MDGA1: variants seen among roughly 807,000 people sequenced by gnomAD.
MDGA1 encodes the protein MAM domain containing glycosylphosphatidylinositol anchor 1.
Under a neutral mutation model 101.5 loss-of-function variants are expected in MDGA1, and 54 were observed. The ratio of observed to expected loss-of-function variants is 0.53; its 90% CI spans 0.43 to 0.67. The LOEUF (loss-of-function observed/expected upper bound fraction) is 0.67, where lower values mean the gene tolerates loss of function less well. Ranked by LOEUF, MDGA1 falls within the 30% of genes least tolerant of loss-of-function variation. The pLI is 0.00. For missense variants in MDGA1, 1,083 were observed against 1,323.8 expected, an observed-to-expected ratio of 0.82 and a Z score of 2.82; for synonymous variants, 533 against 558.3, an observed-to-expected ratio of 0.95 and a Z score of 0.64.
intron 1 of MDGA1, among the ~76,000 whole-genome samples, chr6:37,678,807 C>G (rs915393326): frequency 3.9e-5 from 6 of 151,944 alleles, no homozygotes; most frequent in Non-Finnish European, 8.8e-5. Context: ...CCGCCCCCAC[C>G]TCCATCACGC....
intron 1 of MDGA1, among the ~76,000 whole-genome samples, chr6:37,673,215 G>A (rs921703103): frequency 6.6e-6 from 1 of 152,092 alleles, no homozygotes; most frequent in South Asian, 2.1e-4. Context: ...GCCTAGCCCA[G>A]TGCAGGGCTC....
chr6:37,669,081 C>T (rs925042598), intron 1 of MDGA1, among the ~76,000 whole-genome samples: 3 of 152,096 alleles, frequency 2.0e-5, no homozygotes, highest in Non-Finnish European at 2.9e-5. Context: ...CTCCTGACCT[C>T]GTGATCCACC....
chr6:37,689,902 C>T (rs1285298670), intron 1 of MDGA1, among the ~76,000 whole-genome samples: 4 of 152,222 alleles, frequency 2.6e-5, no homozygotes, highest in Non-Finnish European at 5.9e-5. Context: ...ACCATCTATT[C>T]TCTACATGAC....
chr6:37,650,054 G>A, intron 8 of MDGA1, 55 bp downstream of exon 8: 17 of 1,605,882 alleles, frequency 1.1e-5, no homozygotes, highest in Non-Finnish European at 1.4e-5. Context: ...GGACAGGCCG[G>A]CTGGGAGCCA....
intron 13 of MDGA1, among the ~76,000 whole-genome samples, chr6:37,644,219 T>C (rs942867505): frequency 2.0e-5 from 3 of 152,064 alleles, no homozygotes; most frequent in South Asian, 4.1e-4. Flanking sequence ...TCATGAGTCC[T>C]TGGCTCTACT....
chr6:37,690,898 C>T (rs1039876599), intron 1 of MDGA1, among the ~76,000 whole-genome samples: 1 of 152,138 alleles, frequency 6.6e-6, no homozygotes, highest in African/African-American at 2.4e-5. Context: ...AGCTTCCAGG[C>T]CTTTGCCACA....
At chr6:37,679,321 A>G (rs1401805933) in intron 1 of MDGA1, among the ~76,000 whole-genome samples, 1 of 152,174 alleles carries the variant, frequency 6.6e-6, no homozygotes, top group Non-Finnish European at 1.5e-5. Context: ...CCCTATCAGG[A>G]GATAGCTGGG....
Position 37,643,861 on chromosome 6 carries a change from G to A in MDGA1, c.2484C>T (p.Ser828=), listed in dbSNP as rs535080989. ...AGAAGGAGACACAGTAGAACTTGGC[G>A]CTGGCATTGTAGAGGGGACTCACTA... The part of the protein sequence containing the change: ...ARLVSPLYNA[S]AKFYCVSFFY... Residue 828 remains serine, a synonymous_variant, in exon 14 of 17, where the codon AGC becomes AGT. Transcript: ENST00000434837. The A allele has an allele frequency of 1.9e-5, 30 of 1,613,928 alleles. No homozygotes were observed. The East Asian group carries it at 3.1e-4, about 17-fold the overall frequency.
chr6:37,638,885 G>A lies in MDGA1; in HGVS notation c.2537-218C>T, dbSNP rs145317498. The A allele has an allele frequency of 2.9e-5, 17 of 579,390 alleles. No individual in the cohort carries two copies. The African/African-American group carries it at 3.2e-4, about 11-fold the overall frequency. 35.9% of individuals were successfully genotyped at this position (579,390 alleles called of 1,614,324 possible). ...CAGCAGGATTTCATTTCATCAGGAT[G>A]ACTTGCAAATTTTCTTTCATTTCTT... On this transcript the variant is annotated intron_variant, in intron 14 of 16. Coordinates refer to ENST00000434837, the MANE Select transcript of MDGA1 (RefSeq NM_153487.4). The surrounding 1 kb of genome is among the most constrained non-coding windows in gnomAD (Gnocchi z 4.8).
intron 1 of MDGA1, among the ~76,000 whole-genome samples, chr6:37,686,531 A>C (rs772831892): frequency 2.6e-5 from 4 of 151,416 alleles, no homozygotes; most frequent in Admixed American, 1.3e-4. Flanking sequence ...GATTCAAGCG[A>C]TTCTCCTGCC....
intron 1 of MDGA1, among the ~76,000 whole-genome samples, chr6:37,691,626 A>G (rs527459339): frequency 2.0e-5 from 3 of 152,246 alleles, no homozygotes; most frequent in Non-Finnish European, 2.9e-5. Flanking sequence ...AGTTACTCAT[A>G]GTGTTATTCA....
At chr6:37,666,066 G>A (rs1167432535) in intron 1 of MDGA1, among the ~76,000 whole-genome samples, 4 of 152,030 alleles carry the variant, frequency 2.6e-5, no homozygotes, top group Non-Finnish European at 2.9e-5. Flanking sequence ...TAAAGCTCTC[G>A]GCTGGGCATG....
intron 1 of MDGA1, among the ~76,000 whole-genome samples, chr6:37,679,232 G>A (rs1264073710): frequency 6.6e-6 from 1 of 152,042 alleles, no homozygotes; most frequent in African/African-American, 2.4e-5. Flanking sequence ...TCGAGTAGGT[G>A]GGGGGAGAAA....
Position 37,637,350 on chromosome 6 carries a change from G to A in MDGA1, c.*18C>T, listed in dbSNP as rs201972128. On this transcript the variant is annotated 3_prime_UTR_variant, in exon 17 of 17. Coordinates refer to ENST00000434837, the MANE Select transcript of MDGA1 (RefSeq NM_153487.4). ...GTGTGCCGGGGGCAAGGTTGGGGGG[G>A]TGGCCACACAGCTCTCATCATCTCT... 6 of 1,596,892 alleles carry A rather than the reference G, an allele frequency of 3.8e-6. No individual in the cohort carries two copies. The highest frequency in any genetic ancestry group is 4.3e-6 in the Non-Finnish European group (5 of 1,165,450).
chr6:37,670,671 C>T (rs1355353983), intron 1 of MDGA1, among the ~76,000 whole-genome samples: 3 of 152,366 alleles, frequency 2.0e-5, no homozygotes, highest in Non-Finnish European at 4.4e-5. Flanking sequence ...TTCACATCCC[C>T]TGCAGCCTGC....
In MDGA1 at chr6:37,638,756, A is replaced by G; in HGVS notation, c.2537-89T>C. 6.6e-7 allele frequency: 1 copy of G among 1,509,140 alleles called. No individual in the cohort carries two copies. The highest frequency in any genetic ancestry group is 8.9e-7 in the Non-Finnish European group (1 of 1,119,596). 93.5% of individuals were successfully genotyped at this position (1,509,140 alleles called of 1,614,324 possible). A position where few individuals can be genotyped will look rare whatever the true frequency, so the allele number is the denominator to read the frequency against. ...TTACCAAGCCCTCTTCTCCCACCAT[A>G]GCCTGCAGCCCTGTCCCTGTTGACA... On this transcript the variant is annotated intron_variant, in intron 14 of 16. Coordinates refer to ENST00000434837, the MANE Select transcript of MDGA1 (RefSeq NM_153487.4). The surrounding 1 kb of genome is among the most constrained non-coding windows in gnomAD (Gnocchi z 4.8).
rs1363063696 is a variant in MDGA1, at chr6:37,696,616, G to A, written c.67+129C>T. The A allele has an allele frequency of 9.2e-6, 8 of 869,038 alleles. No homozygotes were observed. The African/African-American group carries it at 1.3e-4, about 14-fold the overall frequency. The allele number at this position is 869,038 out of a possible 1,614,324, so 53.8% of individuals were successfully genotyped here. On this transcript the variant is annotated intron_variant, in intron 1 of 16. Coordinates refer to ENST00000434837, the MANE Select transcript of MDGA1 (RefSeq NM_153487.4). The surrounding 1 kb of genome is among the most constrained non-coding windows in gnomAD (Gnocchi z 5.6). ...GGTCTCCACGCGCCCTGGAGAGGGC[G>A]GGGACGCGGGCATCCACTCCAGAGT...
intron 2 of MDGA1, among the ~76,000 whole-genome samples, chr6:37,658,880 A>G (rs1018749780): frequency 6.7e-6 from 1 of 149,464 alleles, no homozygotes; most frequent in Non-Finnish European, 1.5e-5. Flanking sequence ...CTGAGACAGG[A>G]GAATAGCTTG....
Position 37,638,511 on chromosome 6 carries a change from G to A in MDGA1, c.2667+26C>T. ...CCACAGCAACCACCGAAGCCGGGGA[G>A]GGTCCTCTGGGCCCTACGGACTCAC... is the stretch of plus-strand genomic sequence containing the variant. On this transcript the variant is annotated intron_variant, in intron 15 of 16. Transcript: ENST00000434837. This position sits in a 1 kb window ranked among gnomAD's most constrained non-coding sequence, Gnocchi z 4.8. The A allele has an allele frequency of 6.2e-7, 1 of 1,612,510 alleles. No homozygotes were observed. Among genetic ancestry groups the A allele is most frequent in the Admixed American group, 1.7e-5 (1 of 59,964 alleles).
Sources: allele counts gnomAD v4.1 joint callset (sites outside exome capture counted in the v4.1 genomes callset), GRCh38; gene constraint gnomAD v4.1.1; non-coding constraint Gnocchi (gnomAD v3.1); transcripts MANE v1.5; gene names NCBI Gene and HGNC (gene_info 2026-07-23, HGNC 2026-07-21).